The following CRB1 variants were observed in gnomAD, a reference collection of about 807,000 sequenced individuals.
CRB1 encodes protein crumbs homolog 1.
A neutral mutation model predicts 120.0 loss-of-function variants in CRB1; 83 were observed. That is an observed-to-expected ratio of 0.69 (90% CI 0.58 to 0.83). The LOEUF is 0.83. Ranked by LOEUF, CRB1 falls within the 40% of genes least tolerant of loss-of-function variation. CRB1 has a pLI of 0.00. For missense variants in CRB1, 1,699 were observed against 1,687.6 expected (o/e 1.01, Z -0.12); for synonymous variants, 625 against 612.5 (o/e 1.02, Z -0.30).
chr1:197,225,297 G>A, the CRB1 span, among the ~76,000 whole-genome samples: 2 of 152,088 alleles, frequency 1.3e-5, no homozygotes, highest in African/African-American at 4.8e-5. Context: ...CTTGAAGACA[G>A]GCACTTTCCA....
the CRB1 span, among the ~76,000 whole-genome samples, chr1:197,213,341 A>G: frequency 6.6e-6 from 1 of 152,202 alleles, no homozygotes. Context: ...AAGAAGAAAG[A>G]GTCACAAAAA....
intron 5 of CRB1, among the ~76,000 whole-genome samples, chr1:197,372,510 G>A (rs1437260628): frequency 2.0e-5 from 3 of 152,158 alleles, no homozygotes; most frequent in Non-Finnish European, 1.5e-5. Context: ...GGTTAATTCA[G>A]TACAACAGAA....
intron 5 of CRB1, among the ~76,000 whole-genome samples, chr1:197,403,460 CAG>C (rs985363803): frequency 6.6e-6 from 1 of 152,130 alleles, no homozygotes; most frequent in African/African-American, 2.4e-5. Flanking sequence ...GTAGAGACAT[CAG>C]GGGGACGTGA....
chr1:197,315,875 G>GT (rs1461750434), intron 1 of CRB1, among the ~76,000 whole-genome samples: 5 of 152,294 alleles, frequency 3.3e-5, no homozygotes, highest in Non-Finnish European at 5.9e-5. Context: ...CAAATAAAAT[G>GT]TTTAAGATAT....
chr1:197,477,570 C>A (rs755068486), intron 11 of CRB1, 94 bp from the exon 12 acceptor site: 53 of 1,137,846 alleles, frequency 4.7e-5, no homozygotes, highest in Non-Finnish European at 6.4e-5. Flanking sequence ...CCAGCTTGCT[C>A]TGGTTGGTCT....
intron 1 of CRB1, among the ~76,000 whole-genome samples, chr1:197,319,667 C>A (rs1293529598): frequency 6.6e-6 from 1 of 150,962 alleles, no homozygotes; most frequent in Non-Finnish European, 1.5e-5. Flanking sequence ...TTCTCTCTTT[C>A]TTTTTTTTTC....
the CRB1 span, among the ~76,000 whole-genome samples, chr1:197,205,401 T>C: frequency 1.3e-5 from 2 of 152,240 alleles, no homozygotes; most frequent in Non-Finnish European, 2.9e-5. Context: ...AGACAGCTTT[T>C]ATTATGTTAA....
At chr1:197,229,088 G>A in the CRB1 span, among the ~76,000 whole-genome samples, 33 of 152,206 alleles carry the variant, frequency 2.2e-4, no homozygotes, top group African/African-American at 6.3e-4. Flanking sequence ...GAGGCAAACC[G>A]TATCAAGGAC....
the CRB1 span, among the ~76,000 whole-genome samples, chr1:197,205,724 C>T: frequency 6.6e-6 from 1 of 151,938 alleles, no homozygotes; most frequent in Non-Finnish European, 1.5e-5. Flanking sequence ...TCTGTTATAT[C>T]CTTTCCTGGT....
intron 5 of CRB1, among the ~76,000 whole-genome samples, chr1:197,397,297 G>C (rs1007475870): frequency 5.3e-5 from 8 of 152,012 alleles, no homozygotes; most frequent in African/African-American, 1.7e-4. Flanking sequence ...AGAGAGAGTA[G>C]GTTATATGTA....
the CRB1 span, among the ~76,000 whole-genome samples, chr1:197,253,728 G>A: frequency 6.6e-5 from 10 of 152,000 alleles, no homozygotes; most frequent in Non-Finnish European, 1.3e-4. Flanking sequence ...ATTTGATAAA[G>A]AAAAATTTCT....
chr1:197,323,834 G>A (rs1658341846), intron 1 of CRB1, among the ~76,000 whole-genome samples: 2 of 152,132 alleles, frequency 1.3e-5, no homozygotes, highest in African/African-American at 4.8e-5. Context: ...TAGGTGTGTA[G>A]GCTGTGTAAA....
rs576201122 is a variant in CRB1 at position 197,348,342 on chromosome 1, A to C, written c.988+863A>C. On this transcript the variant is annotated intron_variant, in intron 4 of 11. Transcript: ENST00000367400. The stretch of plus-strand genomic sequence containing the variant: ...GGGACAAGATGTGGAGGTAGAAGAC[A>C]GTGATATTGATAATCCTGACTCCAT... 2.0e-5 allele frequency among the ~76,000 whole-genome samples: 3 copies of C among 152,352 alleles called. No individual in the cohort carries two copies. The East Asian group carries it at 5.8e-4, about 29-fold the overall frequency.
At chr1:197,324,541 A>C (rs1309680449) in intron 1 of CRB1, among the ~76,000 whole-genome samples, 4 of 152,214 alleles carry the variant, frequency 2.6e-5, no homozygotes, top group Non-Finnish European at 5.9e-5. Context: ...ACTCTGTGCC[A>C]AGCCCTGTTA....
intron 9 of CRB1, 40 bp from the exon 10 acceptor site, chr1:197,438,507 A>G: frequency 3.1e-6 from 5 of 1,609,214 alleles, no homozygotes; most frequent in Non-Finnish European, 4.2e-6. Flanking sequence ...AATGAGATGA[A>G]CAAGATGAAC....
At chr1:197,221,166 T>C in the CRB1 span, among the ~76,000 whole-genome samples, 1 of 152,112 alleles carries the variant, frequency 6.6e-6, no homozygotes, top group Non-Finnish European at 1.5e-5. Flanking sequence ...AGAGGCCATG[T>C]TGGGTAGAGA....
At position 197,293,265 on chromosome 1, in the gene CRB1, A is replaced by G. The variant is rs1187698111; in HGVS notation, c.70+24783A>G. On this transcript the variant is annotated intron_variant, in intron 1 of 11. Transcript: ENST00000367400. ...AAATCACAAGCATTCTTATACACCA[A>G]TAACAGACAAACAGAGAGCCAAATC... Among the ~76,000 whole-genome samples, 5 of 152,286 alleles carry G rather than the reference A, an allele frequency of 3.3e-5. No individual in the cohort carries two copies. The East Asian group carries it at 9.7e-4, about 29-fold the overall frequency.
At chr1:197,443,378 T>A (rs1255787510) in intron 11 of CRB1, 1 of 151,934 alleles carries the variant, frequency 6.6e-6, no homozygotes, top group Non-Finnish European at 1.5e-5. Context: ...TTACAAATAA[T>A]CCTTTCTCTA....
chr1:197,404,216 C>G (rs747364224), intron 5 of CRB1, among the ~76,000 whole-genome samples: 6 of 152,286 alleles, frequency 3.9e-5, no homozygotes, highest in Admixed American at 2.6e-4. Flanking sequence ...TCAGCTGGCT[C>G]TCTCATTAGT....
Sources: allele counts gnomAD v4.1 joint callset (sites outside exome capture counted in the v4.1 genomes callset), GRCh38; gene constraint gnomAD v4.1.1; transcripts MANE v1.5; gene names NCBI Gene and HGNC (gene_info 2026-07-23, HGNC 2026-07-21).